The following ZNF410 variants were observed in gnomAD, a reference collection of about 807,000 sequenced individuals.
The protein encoded by ZNF410 is zinc finger protein 410, also known as another partner for ARF 1.
A neutral mutation model predicts 54.8 loss-of-function variants in ZNF410; 18 were observed. That is an observed-to-expected ratio of 0.33 (90% CI 0.23 to 0.49). ZNF410 has a LOEUF of 0.49. ZNF410 is among the 20% of genes least tolerant of loss of function. ZNF410 has a pLI of 0.99. For synonymous variants in ZNF410, 191 were observed against 207.3 expected, an observed-to-expected ratio of 0.92 and a Z score of 0.68; for missense variants, 405 against 569.6, an observed-to-expected ratio of 0.71 and a Z score of 2.94.
In ZNF410 at chr14:73,909,331, C is replaced by T; in HGVS notation, c.914-10C>T. The T allele has an allele frequency of 6.2e-7, 1 of 1,609,616 alleles. No individual in the cohort carries two copies. Among genetic ancestry groups the T allele is most frequent in the Non-Finnish European group, 8.5e-7 (1 of 1,178,214 alleles). ...GAAGACTGAGTCTTTATCTCATTTT[C>T]TGTCTCTAGGAGAGAAACCTTTCCT... On this transcript the variant is annotated splice_polypyrimidine_tract_variant and intron_variant, in intron 7 of 11. Transcript: ENST00000555044.
intron 8 of ZNF410, among the ~76,000 whole-genome samples, chr14:73,919,222 C>T (rs1366024222): frequency 6.6e-6 from 1 of 151,584 alleles, no homozygotes; most frequent in African/African-American, 2.4e-5. Flanking sequence ...GTCTTGATCT[C>T]CTGACCTCAA....
At chr14:73,922,400 T>C (rs2055769601) in intron 10 of ZNF410, 194 bp downstream of exon 10, 2 of 434,032 alleles carry the variant, frequency 4.6e-6, no homozygotes, top group African/African-American at 2.0e-5. Flanking sequence ...TTGAAGATAA[T>C]ATAATAAAAG....
intron 1 of ZNF410, 185 bp from the exon 2 acceptor site, chr14:73,891,842 C>T (rs1212203295): frequency 2.7e-5 from 16 of 582,932 alleles, no homozygotes; most frequent in Admixed American, 1.3e-4. Context: ...TGCATCAAAG[C>T]GTAGTATTTT....
intron 7 of ZNF410, 91 bp from the exon 8 acceptor site, chr14:73,909,250 A>C: frequency 9.3e-7 from 1 of 1,080,430 alleles, no homozygotes; most frequent in Non-Finnish European, 1.4e-6. Context: ...TAGGTAAGTC[A>C]TTAGACTCTG....
rs926822185 is a variant in ZNF410 at position 73,931,452 on chromosome 14, T to C, written c.1399-51T>C. 3 of 1,499,452 alleles carry C rather than the reference T, an allele frequency of 2.0e-6. No individual in the cohort carries two copies. In the African/African-American group the frequency reaches 4.2e-5, roughly 21 times the overall value. The allele number at this position is 1,499,452 out of a possible 1,614,324, so 92.9% of individuals were successfully genotyped here. A position where few individuals can be genotyped will look rare whatever the true frequency, so the allele number is the denominator to read the frequency against. ...AATACTTTTTACTATGAATTATTTT[T>C]TCTATAATTCAACTGTAACCTATTC... is the stretch of plus-strand genomic sequence containing the variant. On this transcript the variant is annotated intron_variant, in intron 11 of 11. Transcript: ENST00000555044.
chr14:73,908,077 A>G (rs1035146326), intron 7 of ZNF410, among the ~76,000 whole-genome samples: 1 of 152,156 alleles, frequency 6.6e-6, no homozygotes, highest in African/African-American at 2.4e-5. Context: ...CACCTTCCCC[A>G]TGCAAATAAG....
At chr14:73,903,775 T>G (rs919408192) in intron 5 of ZNF410, 185 bp from the exon 6 acceptor site, 2 of 757,282 alleles carry the variant, frequency 2.6e-6, no homozygotes, top group Non-Finnish European at 4.1e-6. Context: ...TGCTTGGGAT[T>G]ATAGGTGTGA....
intron 11 of ZNF410, among the ~76,000 whole-genome samples, chr14:73,925,227 G>T: frequency 6.6e-6 from 1 of 152,046 alleles, no homozygotes; most frequent in South Asian, 2.1e-4. Flanking sequence ...ACTTTTTCTG[G>T]TAACTGCTTT....
chr14:73,918,710 T>C (rs865965764), intron 8 of ZNF410, among the ~76,000 whole-genome samples: 34 of 97,546 alleles, frequency 3.5e-4, no homozygotes, highest in African/African-American at 9.0e-4. Flanking sequence ...TTTTTTTTTT[T>C]TTTTCCCCTA....
Position 73,922,152 on chromosome 14 carries a change from G to C in ZNF410, c.1216G>C (p.Gly406Arg). 2.5e-6 allele frequency: 4 copies of C among 1,614,066 alleles called. No homozygotes were observed. The highest frequency in any genetic ancestry group is 3.4e-6 in the Non-Finnish European group (4 of 1,180,022). The change falls in exon 10 of 12, where the codon GGT (glycine) becomes CGT (arginine). Residue 406 changes from glycine to arginine, a missense_variant. Gly to Arg is a moderately radical substitution (Grantham distance 125). This residue lies in a region of ZNF410 where 127 missense variants were observed against 141.3 expected (regional missense o/e 0.90). Transcript: ENST00000555044. The stretch of plus-strand genomic sequence containing the variant: ...GTCTATGAATTCCCAGCCCAGCCTT[G>C]GTGGAGAGTCCTTGAACCTACCAAA... ...LVSMNSQPSL[G>R]GESLNLPNTN...
Position 73,931,598 on chromosome 14 carries a change from G to A in ZNF410, c.*57G>A, listed in dbSNP as rs142584180. 7.2e-6 allele frequency: 11 copies of A among 1,538,362 alleles called. No individual in the cohort carries two copies. In the East Asian group the frequency reaches 1.8e-4, roughly 25 times the overall value. ...TATCTGATCTCAAAATGCGTATACT[G>A]GGAACAGGATGCCTTAGCCCACAAC... is the stretch of plus-strand genomic sequence containing the variant. On this transcript the variant is annotated 3_prime_UTR_variant, in exon 12 of 12. Transcript: ENST00000555044.
intron 8 of ZNF410, chr14:73,912,998 C>A (rs1566661106): frequency 6.6e-6 from 1 of 152,050 alleles, no homozygotes; most frequent in Non-Finnish European, 1.5e-5. Context: ...ATATTAAGCC[C>A]AGCATCCATT....
rs988298424 is a variant in ZNF410 at position 73,932,052 on chromosome 14, C to G, written c.*511C>G. 15 of 455,982 alleles carry G rather than the reference C, an allele frequency of 3.3e-5. No individual in the cohort carries two copies. The highest frequency in any genetic ancestry group is 5.3e-5 in the Non-Finnish European group (12 of 226,504). 28.2% of individuals were successfully genotyped at this position (455,982 alleles called of 1,614,324 possible). A position where few individuals can be genotyped will look rare whatever the true frequency, so the allele number is the denominator to read the frequency against. On this transcript the variant is annotated 3_prime_UTR_variant, in exon 12 of 12. Transcript: ENST00000555044. Reference sequence around the variant, plus strand: ...TCCCTTTAGCAACCTGAGTAAGAGACTCTCTGCCACTGGGCTGCAAAAAAA... The same window carrying G: ...TCCCTTTAGCAACCTGAGTAAGAGAGTCTCTGCCACTGGGCTGCAAAAAAA...
intron 6 of ZNF410, 116 bp from the exon 7 acceptor site, chr14:73,904,786 T>C (rs2055457051): frequency 1.7e-6 from 2 of 1,157,784 alleles, no homozygotes; most frequent in Middle Eastern, 2.8e-4. Flanking sequence ...CAGTTGATTC[T>C]GATATATCCA....
chr14:73,899,255 CT>C (rs80051204), intron 5 of ZNF410, among the ~76,000 whole-genome samples: 23,154 of 146,014 alleles, frequency 0.16, 2,297 homozygotes, highest in East Asian at 0.49. Context: ...AACATTAAAT[CT>C]TTTTTTTTTT....
At chr14:73,898,043 A>G (rs926167217) in intron 4 of ZNF410, 28 bp from the exon 5 acceptor site, 1 of 1,586,186 alleles carries the variant, frequency 6.3e-7, no homozygotes, top group Admixed American at 1.8e-5. Context: ...CTTGGTTTCT[A>G]ACTTTTCATA....
intron 1 of ZNF410, among the ~76,000 whole-genome samples, chr14:73,889,510 G>A (rs938955968): frequency 6.6e-6 from 1 of 151,386 alleles, no homozygotes; most frequent in African/African-American, 2.4e-5. Context: ...AGGCCATGGA[G>A]ATTCAGGGTC....
At chr14:73,919,886 G>GTTTTTTTTTTTTTTTTTT (rs1158550117) in intron 8 of ZNF410, among the ~76,000 whole-genome samples, 2 of 62,046 alleles carry the variant, frequency 3.2e-5, no homozygotes, top group Non-Finnish European at 5.8e-5. Flanking sequence ...TATTGTATAG[G>GTTTTTTTTTTTTTTTTTT]TTTTTTTTTT....
chr14:73,906,696 C>T (rs182312273), intron 7 of ZNF410, among the ~76,000 whole-genome samples: 1 of 152,192 alleles, frequency 6.6e-6, no homozygotes, highest in Non-Finnish European at 1.5e-5. Flanking sequence ...CCAGGCTGTT[C>T]TCGAATTCCT....
Sources: allele counts gnomAD v4.1 joint callset (sites outside exome capture counted in the v4.1 genomes callset), GRCh38; gene constraint gnomAD v4.1.1; regional missense constraint gnomAD v4.1.1; transcripts MANE v1.5; gene names NCBI Gene and HGNC (gene_info 2026-07-23, HGNC 2026-07-21).